Variants in SOX30 observed in about 807,000 individuals in gnomAD.
The protein encoded by SOX30 is SRY-box transcription factor 30.
In SOX30, 17 loss-of-function variants were observed where a neutral mutation model predicts 58.6. That is an observed-to-expected ratio of 0.29 (90% CI 0.20 to 0.44). The LOEUF is 0.44. SOX30 is among the 20% of genes least tolerant of loss of function. SOX30 has a pLI of 1.00. For synonymous variants in SOX30, 421 were observed against 400.2 expected, an observed-to-expected ratio of 1.05 and a Z score of -0.62; for missense variants, 951 against 965.8, an observed-to-expected ratio of 0.98 and a Z score of 0.20.
intron 3 of SOX30, among the ~76,000 whole-genome samples, chr5:157,641,841 T>C (rs1759070987): frequency 6.6e-6 from 1 of 152,252 alleles, no homozygotes; most frequent in South Asian, 2.1e-4. Context: ...GCCACTGGAA[T>C]TTACTCAGAA....
chr5:157,648,202 A>G (rs906195877), intron 2 of SOX30, among the ~76,000 whole-genome samples: 1 of 152,224 alleles, frequency 6.6e-6, no homozygotes, highest in African/African-American at 2.4e-5. Flanking sequence ...GGCTAAATCT[A>G]TCAATCAGAA....
At position 157,626,468 on chromosome 5, in the gene SOX30, G is replaced by A; in HGVS notation, c.2134C>T (p.Pro712Ser). ...TCCAAGGTTCCAATGTCCAGCTGAGGCACAGGGTTTAAGTTTTCTTCCCCA... is the reference window on the plus strand; with the variant it reads ...TCCAAGGTTCCAATGTCCAGCTGAGACACAGGGTTTAAGTTTTCTTCCCCA... Reference protein sequence around the residue: ...HSGEENLNPVPQLDIGTLENV... With the variant: ...HSGEENLNPVSQLDIGTLENV... The change falls in exon 5 of 5, where the codon CCT (proline) becomes TCT (serine). Residue 712 changes from proline to serine, a missense_variant. This residue lies in a region of SOX30 where 381 missense variants were observed against 390.0 expected (regional missense o/e 0.98). Coordinates refer to ENST00000265007, the MANE Select transcript of SOX30 (RefSeq NM_178424.2). 1.2e-6 allele frequency: 2 copies of A among 1,614,132 alleles called. No individual in the cohort carries two copies. Among genetic ancestry groups the A allele is most frequent in the Admixed American group, 1.7e-5 (1 of 60,016 alleles).
In SOX30 at chr5:157,671,458, G is replaced by A. The variant is rs1464806619; in HGVS notation, c.-132C>T. The stretch of plus-strand genomic sequence containing the variant: ...TCTGCACGCATGTCCAACAGCCCCC[G>A]TCCCCTTCCCCGCAGCCAATATGTG... On this transcript the variant is annotated 5_prime_UTR_variant, in exon 1 of 6. Transcript: ENST00000519442. 1.4e-5 allele frequency: 9 copies of A among 627,404 alleles called. No individual in the cohort carries two copies. In the East Asian group the frequency reaches 2.0e-4, roughly 14 times the overall value. The allele number at this position is 627,404 out of a possible 1,614,324, so 38.9% of individuals were successfully genotyped here.
chr5:157,633,171 ACCT>A (rs1758851427), intron 4 of SOX30, among the ~76,000 whole-genome samples: 1 of 152,120 alleles, frequency 6.6e-6, no homozygotes, highest in Admixed American at 6.5e-5. Context: ...CAGGGTCAAG[ACCT>A]CATCTTTTTT....
intron 1 of SOX30, 39 bp from the exon 2 acceptor site, chr5:157,648,935 TACAC>T (rs3217237): frequency 6.9e-4 from 1,010 of 1,456,904 alleles, no homozygotes; most frequent in South Asian, 2.4e-3. Flanking sequence ...TAATGTGCCA[TACAC>T]ACACACACAC....
chr5:157,638,861 C>T, intron 3 of SOX30, 139 bp from the exon 4 acceptor site: 2 of 757,270 alleles, frequency 2.6e-6, no homozygotes, highest in Non-Finnish European at 4.1e-6. Context: ...TATCAAACCA[C>T]TCTATTTCAT....
chr5:157,656,794 A>G (rs868348726), upstream of SOX30, among the ~76,000 whole-genome samples: 2 of 152,226 alleles, frequency 1.3e-5, no homozygotes, highest in South Asian at 2.1e-4. Flanking sequence ...TTTAAGTTAG[A>G]TAGAATGAAG....
chr5:157,651,581 G>T lies in SOX30; in HGVS notation c.498C>A (p.Val166=), dbSNP rs1759342171. ...VETGPRASRV[V]KLEGPGPALG... ...GGGCCGGCCCGGGGCCTTCCAACTT[G>T]ACCACCCTGGAGGCTCTAGGACCGG... The change falls in exon 1 of 5, where the codon GTC becomes GTA. Residue 166 remains valine, a synonymous_variant. Coordinates refer to ENST00000265007, the MANE Select transcript of SOX30 (RefSeq NM_178424.2). 6 of 1,613,004 alleles carry T rather than the reference G, an allele frequency of 3.7e-6. No homozygotes were observed. The highest frequency in any genetic ancestry group is 5.1e-6 in the Non-Finnish European group (6 of 1,179,968).
chr5:157,669,937 C>G (rs915054213), intron 1 of SOX30, among the ~76,000 whole-genome samples: 1 of 152,192 alleles, frequency 6.6e-6, no homozygotes, highest in Non-Finnish European at 1.5e-5. Flanking sequence ...ACGCCCTAGA[C>G]TCAAATGCAT....
At chr5:157,667,247 C>T (rs897382281) in intron 2 of SOX30, among the ~76,000 whole-genome samples, 2 of 152,146 alleles carry the variant, frequency 1.3e-5, no homozygotes, top group Non-Finnish European at 2.9e-5. Context: ...ACTGGAAAAT[C>T]TCTGTGGAGT....
chr5:157,657,415 G>C (rs2113855371), upstream of SOX30, among the ~76,000 whole-genome samples: 1 of 152,172 alleles, frequency 6.6e-6, no homozygotes. Context: ...TCAAAAGTTG[G>C]TTTATAATCA....
At chr5:157,632,218 T>C (rs930057712) in intron 4 of SOX30, among the ~76,000 whole-genome samples, 10 of 152,120 alleles carry the variant, frequency 6.6e-5, no homozygotes, top group African/African-American at 2.4e-4. Flanking sequence ...TAGTGCATGA[T>C]TGCCAGATAT....
intron 2 of SOX30, among the ~76,000 whole-genome samples, chr5:157,647,180 G>A (rs1020216321): frequency 6.6e-6 from 1 of 151,642 alleles, no homozygotes; most frequent in African/African-American, 2.4e-5. Flanking sequence ...TCCTGCCTCA[G>A]CCTCCTGAGC....
Position 157,626,552 on chromosome 5 carries a change from T to C in SOX30, c.2050A>G (p.Asn684Asp). 6.2e-7 allele frequency: 1 copy of C among 1,614,196 alleles called. No individual in the cohort carries two copies. The highest frequency in any genetic ancestry group is 8.5e-7 in the Non-Finnish European group (1 of 1,180,024). The change falls in exon 5 of 5, where the codon AAT (asparagine) becomes GAT (aspartate). Residue 684 changes from asparagine (N) to aspartate (D), a missense_variant. Coordinates refer to ENST00000265007, the MANE Select transcript of SOX30 (RefSeq NM_178424.2). ...TTCATGTTCTCACAACTCCGAGAATTTTCACTGTGTGTGCATTCACTTGAG... is the reference window on the plus strand; with the variant it reads ...TTCATGTTCTCACAACTCCGAGAATCTTCACTGTGTGTGCATTCACTTGAG... ...DYSSECTHSE[N>D]SRSCENMNGT...
At chr5:157,627,245 C>A (rs1244736092) in intron 4 of SOX30, among the ~76,000 whole-genome samples, 1 of 152,086 alleles carries the variant, frequency 6.6e-6, no homozygotes, top group Non-Finnish European at 1.5e-5. Context: ...TGCCTGTAGT[C>A]CCAGCTACTC....
chr5:157,659,873 G>C (rs1363967602), intron 2 of SOX30, among the ~76,000 whole-genome samples: 1 of 152,236 alleles, frequency 6.6e-6, no homozygotes, highest in Non-Finnish European at 1.5e-5. Context: ...TAAAGACCTA[G>C]AATCAACAGA....
chr5:157,644,543 T>A (rs1437177091), intron 3 of SOX30, among the ~76,000 whole-genome samples: 1 of 152,186 alleles, frequency 6.6e-6, no homozygotes, highest in Non-Finnish European at 1.5e-5. Context: ...GTATCAAATG[T>A]CAACTGTTTC....
intron 2 of SOX30, among the ~76,000 whole-genome samples, chr5:157,659,465 CA>C (rs1203265009): frequency 6.6e-6 from 1 of 152,166 alleles, no homozygotes; most frequent in Non-Finnish European, 1.5e-5. Flanking sequence ...TAATTTTGTG[CA>C]AGGTTTCAGT....
chr5:157,660,358 G>A (rs1420548917), intron 2 of SOX30, among the ~76,000 whole-genome samples: 1 of 152,022 alleles, frequency 6.6e-6, no homozygotes. Flanking sequence ...GGAAGCAGAG[G>A]TTGCAGTGAG....
Sources: gnomAD v4.1 joint callset for allele counts (sites outside exome capture counted in the v4.1 genomes callset) on GRCh38, gnomAD v4.1.1 for gene constraint, gnomAD v4.1.1 regional missense constraint, MANE v1.5 for transcripts, NCBI Gene and HGNC (gene_info 2026-07-23, HGNC 2026-07-21) for gene names.